The following RBPJ variants were observed in gnomAD, a reference collection of about 807,000 sequenced individuals.
RBPJ encodes the protein recombination signal binding protein for immunoglobulin kappa J region.
A neutral mutation model predicts 67.8 loss-of-function variants in RBPJ; 9 were observed. The ratio of observed to expected loss-of-function variants is 0.13; its 90% CI spans 0.08 to 0.23. RBPJ has a LOEUF of 0.23. RBPJ is among the 10% of genes least tolerant of loss of function. The pLI is 1.00. For missense variants in RBPJ, 305 were observed against 595.6 expected (o/e 0.51, Z 5.08); for synonymous variants, 198 against 203.3 (o/e 0.97, Z 0.22).
intron 1 of RBPJ, among the ~76,000 whole-genome samples, chr4:26,198,389 G>C (rs1717860524): frequency 6.6e-6 from 1 of 152,084 alleles, no homozygotes; most frequent in Non-Finnish European, 1.5e-5. Flanking sequence ...GGAAGTCAAG[G>C]GTTCATTGCT....
chr4:26,276,751 A>G (rs1238206983), intron 1 of RBPJ, among the ~76,000 whole-genome samples: 1 of 152,240 alleles, frequency 6.6e-6, no homozygotes, highest in East Asian at 1.9e-4. Context: ...ACTGTCTGAT[A>G]TTAACTGAGC....
intron 1 of RBPJ, among the ~76,000 whole-genome samples, chr4:26,274,305 G>T (rs1721010487): frequency 6.6e-6 from 1 of 152,140 alleles, no homozygotes; most frequent in Admixed American, 6.6e-5. Flanking sequence ...CCCTAAGGAA[G>T]ATAAGAGAAG....
chr4:26,195,961 A>G (rs1052327561), intron 1 of RBPJ, among the ~76,000 whole-genome samples: 1 of 152,136 alleles, frequency 6.6e-6, no homozygotes, highest in Non-Finnish European at 1.5e-5. Context: ...GTGCACACAC[A>G]CAAACATATA....
At chr4:26,270,869 T>TC (rs995161780) in intron 1 of RBPJ, among the ~76,000 whole-genome samples, 2 of 151,160 alleles carry the variant, frequency 1.3e-5, no homozygotes, top group African/African-American at 4.9e-5. Flanking sequence ...AAAATCCGCC[T>TC]CCCCCCCACC....
intron 1 of RBPJ, among the ~76,000 whole-genome samples, chr4:26,193,389 G>A (rs1717639060): frequency 6.6e-6 from 1 of 152,116 alleles, no homozygotes; most frequent in Non-Finnish European, 1.5e-5. Flanking sequence ...AATAAGTAAA[G>A]GTTATCCACA....
At chr4:26,252,663 T>G (rs1257620683) in intron 1 of RBPJ, among the ~76,000 whole-genome samples, 1 of 152,198 alleles carries the variant, frequency 6.6e-6, no homozygotes, top group Non-Finnish European at 1.5e-5. Context: ...ATTTAAGAGT[T>G]GCATACGTTG....
intron 1 of RBPJ, among the ~76,000 whole-genome samples, chr4:26,170,627 G>C (rs1487090721): frequency 6.6e-6 from 1 of 152,014 alleles, no homozygotes; most frequent in Non-Finnish European, 1.5e-5. Context: ...TTTAAGAGCA[G>C]TTAAGTGAGA....
chr4:26,259,838 T>C (rs1310777714), intron 1 of RBPJ, among the ~76,000 whole-genome samples: 1 of 152,224 alleles, frequency 6.6e-6, no homozygotes, highest in Non-Finnish European at 1.5e-5. Flanking sequence ...CAGTATTATC[T>C]TAATTCCTTC....
rs369114936 is a variant in RBPJ, at chr4:26,341,902, CAA to C, written c.20+20855_20+20856del. Among the ~76,000 whole-genome samples the C allele has an allele frequency of 5.0e-3, 756 of 152,234 alleles. 2 individuals are homozygous for C. Among genetic ancestry groups the C allele is most frequent in the African/African-American group, 0.017 (688 of 41,526 alleles). ...TTCAGTAGAAAGGTAAAAATTGAGA[CAA>C]GAGAGAAGAAAGTGTAGCTGGCTAG... is the stretch of plus-strand genomic sequence containing the variant. On this transcript the variant is annotated intron_variant, in intron 1 of 10. Coordinates refer to ENST00000355476, the MANE Select transcript of RBPJ (RefSeq NM_015874.6).
intron 1 of RBPJ, among the ~76,000 whole-genome samples, chr4:26,191,421 T>C (rs1717543307): frequency 6.6e-6 from 1 of 151,472 alleles, no homozygotes; most frequent in South Asian, 2.1e-4. Flanking sequence ...TCTACCCCCA[T>C]CCCAGGTAAC....
chr4:26,148,554 C>T, the RBPJ span, among the ~76,000 whole-genome samples: 1 of 152,118 alleles, frequency 6.6e-6, no homozygotes, highest in Non-Finnish European at 1.5e-5. Context: ...GCAGACAACT[C>T]TTATAGAATT....
intron 1 of RBPJ, among the ~76,000 whole-genome samples, chr4:26,338,137 C>A: frequency 9.6e-6 from 1 of 104,262 alleles, no homozygotes; most frequent in African/African-American, 3.6e-5. Context: ...TGGAAACATT[C>A]TTATGTGTAT....
the RBPJ span, among the ~76,000 whole-genome samples, chr4:26,136,966 C>T: frequency 3.9e-5 from 6 of 152,190 alleles, no homozygotes; most frequent in Non-Finnish European, 5.9e-5. Context: ...TCAAGAGTCA[C>T]TTGTAGAACT....
At chr4:26,283,501 C>T (rs962303705) in intron 1 of RBPJ, among the ~76,000 whole-genome samples, 16 of 151,392 alleles carry the variant, frequency 1.1e-4, no homozygotes, top group African/African-American at 3.1e-4. Flanking sequence ...GCCGAGATGG[C>T]GCACCTGCAC....
At chr4:26,391,386 A>G (rs1471741216) in intron 2 of RBPJ, among the ~76,000 whole-genome samples, 1 of 152,182 alleles carries the variant, frequency 6.6e-6, no homozygotes, top group African/African-American at 2.4e-5. Context: ...CAATTTAGCT[A>G]GATTTTTTTT....
intron 3 of RBPJ, among the ~76,000 whole-genome samples, chr4:26,411,424 G>A (rs1266717424): frequency 6.6e-6 from 1 of 151,732 alleles, no homozygotes; most frequent in Non-Finnish European, 1.5e-5. Context: ...CGAAGTATGG[G>A]CAACAACTTG....
In RBPJ at chr4:26,432,164, G is replaced by T. The variant is rs1184629043; in HGVS notation, c.*1157G>T. On this transcript the variant is annotated 3_prime_UTR_variant, in exon 11 of 11. Transcript: ENST00000355476. ...AAAATATGGGAAGTATTTGCTACCA[G>T]TTGGTAGATGGTGCCCTTAATGGTA... 1 of 152,228 alleles carries T rather than the reference G, an allele frequency of 6.6e-6. No homozygotes were observed. The highest frequency in any genetic ancestry group is 2.4e-5 in the African/African-American group (1 of 41,460). The allele number at this position is 152,228 out of a possible 1,614,324, so 9.4% of individuals were successfully genotyped here.
intron 1 of RBPJ, among the ~76,000 whole-genome samples, chr4:26,291,104 A>G (rs184265601): frequency 3.3e-5 from 5 of 150,948 alleles, no homozygotes; most frequent in Non-Finnish European, 5.9e-5. Flanking sequence ...GACAAAATTA[A>G]TGTGCATGGA....
intron 1 of RBPJ, among the ~76,000 whole-genome samples, chr4:26,290,095 C>T (rs1721616604): frequency 6.7e-6 from 1 of 149,938 alleles, no homozygotes; most frequent in African/African-American, 2.5e-5. Context: ...TTTGGGAGGA[C>T]ATGGTGGGAG....
Sources: gnomAD v4.1 joint callset for allele counts (sites outside exome capture counted in the v4.1 genomes callset) on GRCh38, gnomAD v4.1.1 for gene constraint, MANE v1.5 for transcripts, NCBI Gene and HGNC (gene_info 2026-07-23, HGNC 2026-07-21) for gene names.